The following AGAP1 variants were observed in gnomAD, a reference collection of about 807,000 sequenced individuals.
The protein encoded by AGAP1 is arf-GAP with GTPase, ANK repeat and PH domain-containing protein 1.
A neutral mutation model predicts 105.3 loss-of-function variants in AGAP1; 29 were observed. The observed-to-expected ratio is 0.28, with a 90% CI of 0.21 to 0.38. The LOEUF (loss-of-function observed/expected upper bound fraction) is 0.38, where lower values mean the gene tolerates loss of function less well. Ranked by LOEUF, AGAP1 falls within the 10% of genes least tolerant of loss-of-function variation. The pLI, the probability that AGAP1 is intolerant of heterozygous loss-of-function variation, is 1.00. For synonymous variants in AGAP1, 509 were observed against 485.9 expected, an observed-to-expected ratio of 1.05 and a Z score of -0.63; for missense variants, 998 against 1,165.1, an observed-to-expected ratio of 0.86 and a Z score of 2.09.
chr2:236,094,448 A>T (rs1455821581), intron 16 of AGAP1, among the ~76,000 whole-genome samples: 1 of 150,674 alleles, frequency 6.6e-6, no homozygotes, highest in Non-Finnish European at 1.5e-5. Context: ...ACCTCCCGGG[A>T]TCAAGCGATC....
rs73996698 is a variant in AGAP1 at position 235,994,024 on chromosome 2, G to T, written c.1645+25401G>T. On this transcript the variant is annotated intron_variant, in intron 13 of 17. Coordinates refer to ENST00000304032, the MANE Select transcript of AGAP1 (RefSeq NM_001037131.3). This position sits in a 1 kb window ranked among gnomAD's most constrained non-coding sequence, Gnocchi z 4.4. ...GAAAGTTACGATGACCCATAAGCCT[G>T]CTCCACAGGATGGCTGTAGCACAGA... 0.013 allele frequency among the ~76,000 whole-genome samples: 2,052 copies of T among 152,148 alleles called. 48 individuals carry two copies. Among genetic ancestry groups the T allele is most frequent in the African/African-American group, 0.047 (1,953 of 41,496 alleles).
intron 1 of AGAP1, among the ~76,000 whole-genome samples, chr2:235,570,586 C>T (rs1476915072): frequency 2.6e-5 from 4 of 152,178 alleles, no homozygotes; most frequent in African/African-American, 9.7e-5. Context: ...TCGAGCATTC[C>T]TTTGATCACT....
intron 11 of AGAP1, among the ~76,000 whole-genome samples, chr2:235,924,062 C>G (rs576907825): frequency 1.4e-4 from 22 of 152,250 alleles, no homozygotes; most frequent in African/African-American, 5.3e-4. Context: ...CTGTCCCAGA[C>G]AGCAAACAGA....
In AGAP1 at chr2:236,095,256, G is replaced by A. The variant is rs1222467389; in HGVS notation, c.2115-24936G>A. 6.6e-6 allele frequency among the ~76,000 whole-genome samples: 1 copy of A among 151,978 alleles called. No homozygotes were observed. ...TACAAAAAAGTTAAAAATTAGCCAG[G>A]CGTGGTTGCATGCACCTGTGGTCCC... On this transcript the variant is annotated intron_variant, in intron 16 of 17. Coordinates refer to ENST00000304032, the MANE Select transcript of AGAP1 (RefSeq NM_001037131.3). The surrounding 1 kb of genome is among the most constrained non-coding windows in gnomAD (Gnocchi z 4.1).
intron 1 of AGAP1, among the ~76,000 whole-genome samples, chr2:235,638,195 G>A (rs1025973031): frequency 1.3e-5 from 2 of 152,218 alleles, no homozygotes; most frequent in Admixed American, 6.5e-5. Context: ...TCACACAGCA[G>A]AGCTGCGTGG....
intron 1 of AGAP1, among the ~76,000 whole-genome samples, chr2:235,498,960 T>C (rs1941442725): frequency 6.6e-6 from 1 of 152,196 alleles, no homozygotes; most frequent in Non-Finnish European, 1.5e-5. Context: ...CCTGGGAAGA[T>C]GGGTCAGGGT....
chr2:235,537,251 C>T (rs879322993), intron 1 of AGAP1, among the ~76,000 whole-genome samples: 8 of 152,178 alleles, frequency 5.3e-5, no homozygotes, highest in Admixed American at 5.2e-4. Context: ...TGCAGGGGCA[C>T]CTCGGGAGCC....
intron 1 of AGAP1, among the ~76,000 whole-genome samples, chr2:235,607,272 C>T (rs944920848): frequency 3.3e-5 from 5 of 152,164 alleles, no homozygotes; most frequent in South Asian, 2.1e-4. Context: ...TGTTGAAGCC[C>T]GATGCATGAT....
chr2:236,127,261 C>G lies in AGAP1; in HGVS notation c.*3139C>G, dbSNP rs563531085. On this transcript the variant is annotated 3_prime_UTR_variant, in exon 18 of 18. Coordinates refer to ENST00000304032, the MANE Select transcript of AGAP1 (RefSeq NM_001037131.3). This position sits in a 1 kb window ranked among gnomAD's most constrained non-coding sequence, Gnocchi z 6.6. ...TTCTGACCTCAGGTGCTGGGACGGG[C>G]AGATGGTTTCCCCCGCCCAGCACCC... is the stretch of plus-strand genomic sequence containing the variant. 6.6e-6 allele frequency: 1 copy of G among 152,256 alleles called. No individual in the cohort carries two copies. Among genetic ancestry groups the G allele is most frequent in the South Asian group, 2.1e-4 (1 of 4,818 alleles). 9.4% of individuals were successfully genotyped at this position (152,256 alleles called of 1,614,324 possible).
intron 1 of AGAP1, among the ~76,000 whole-genome samples, chr2:235,672,526 T>C (rs533063515): frequency 3.9e-5 from 6 of 152,370 alleles, no homozygotes; most frequent in African/African-American, 1.4e-4. Context: ...CATCCCTTCA[T>C]GTATTCTCTT....
At position 236,012,903 on chromosome 2, in the gene AGAP1, T is replaced by C. The variant is rs2056565864; in HGVS notation, c.1646-23658T>C. Among the ~76,000 whole-genome samples, 1 of 152,118 alleles carries C rather than the reference T, an allele frequency of 6.6e-6. No homozygotes were observed. Among genetic ancestry groups the C allele is most frequent in the Non-Finnish European group, 1.5e-5 (1 of 68,020 alleles). On this transcript the variant is annotated intron_variant, in intron 13 of 17. Transcript: ENST00000304032. This position sits in a 1 kb window ranked among gnomAD's most constrained non-coding sequence, Gnocchi z 4.9. ...CTGGGATTATAGGCGTGCCCCACCATGCACAGCTAATTTTTGTATTTTTAG... is the reference window on the plus strand; with the variant it reads ...CTGGGATTATAGGCGTGCCCCACCACGCACAGCTAATTTTTGTATTTTTAG...
chr2:236,108,454 TC>T (rs1297418970), intron 16 of AGAP1, among the ~76,000 whole-genome samples: 3 of 152,088 alleles, frequency 2.0e-5, no homozygotes, highest in Non-Finnish European at 4.4e-5. Flanking sequence ...CTGAGGGTGT[TC>T]CTCCACGCCA....
rs1015248483 is a variant in AGAP1 at position 235,555,369 on chromosome 2, A to G, written c.163+60520A>G. ...AAAGCCTGGCCACTTGCACAGGAAG[A>G]TGCTCATAGATGGCTGGTTCCTGCC... On this transcript the variant is annotated intron_variant, in intron 1 of 17. Coordinates refer to ENST00000304032, the MANE Select transcript of AGAP1 (RefSeq NM_001037131.3). The surrounding 1 kb of genome is among the most constrained non-coding windows in gnomAD (Gnocchi z 5.1). Among the ~76,000 whole-genome samples the G allele has an allele frequency of 2.0e-5, 3 of 152,194 alleles. No individual in the cohort carries two copies. The highest frequency in any genetic ancestry group is 4.4e-5 in the Non-Finnish European group (3 of 68,042).
intron 12 of AGAP1, among the ~76,000 whole-genome samples, chr2:235,939,946 A>G (rs2053183866): frequency 6.6e-6 from 1 of 151,924 alleles, no homozygotes; most frequent in Admixed American, 6.5e-5. Context: ...TCACATCCCC[A>G]GCCATGACTC....
At chr2:235,779,809 A>G (rs935320921) in intron 6 of AGAP1, among the ~76,000 whole-genome samples, 8 of 152,354 alleles carry the variant, frequency 5.3e-5, no homozygotes, top group Admixed American at 4.6e-4. Context: ...GGAAACTGGA[A>G]GCTCATGGCT....
In AGAP1 at chr2:235,691,457, G is replaced by T. The variant is rs575115404; in HGVS notation, c.164-17722G>T. On this transcript the variant is annotated intron_variant, in intron 1 of 17. Transcript: ENST00000304032. This position sits in a 1 kb window ranked among gnomAD's most constrained non-coding sequence, Gnocchi z 4.4. Reference sequence around the variant, plus strand: ...ACATCTTTAAAATCCGCTGAAGACTGTAAAGATACTCATTTGAGATGTGCC... The same window carrying T: ...ACATCTTTAAAATCCGCTGAAGACTTTAAAGATACTCATTTGAGATGTGCC... 6.6e-6 allele frequency among the ~76,000 whole-genome samples: 1 copy of T among 152,358 alleles called. No homozygotes were observed. Among genetic ancestry groups the T allele is most frequent in the African/African-American group, 2.4e-5 (1 of 41,586 alleles).
rs547580118 is a variant in AGAP1 at position 235,885,681 on chromosome 2, G to A, written c.1155+2232G>A. Among the ~76,000 whole-genome samples the A allele has an allele frequency of 3.5e-4, 54 of 152,286 alleles. 1 individual carries two copies. In the South Asian group the frequency reaches 0.011, roughly 30 times the overall value. ...ACATGGGAACCTTGATGCTGAGTTC[G>A]CTTGCTGGCGTCTTGAGTTGCCCTT... On this transcript the variant is annotated intron_variant, in intron 10 of 17. Transcript: ENST00000304032.
In AGAP1 at chr2:235,535,981, G is replaced by T. The variant is rs564068772; in HGVS notation, c.163+41132G>T. On this transcript the variant is annotated intron_variant, in intron 1 of 17. Transcript: ENST00000304032. The surrounding 1 kb of genome is among the most constrained non-coding windows in gnomAD (Gnocchi z 5.1). ...TCTGCTTCCTGCTCTCCCAGAGCCG[G>T]CCTCACCTTCGAGACTCATGCTACT... 6.6e-6 allele frequency among the ~76,000 whole-genome samples: 1 copy of T among 151,938 alleles called. No individual in the cohort carries two copies. The highest frequency in any genetic ancestry group is 6.6e-5 in the Admixed American group (1 of 15,240).
intron 1 of AGAP1, among the ~76,000 whole-genome samples, chr2:235,640,852 G>C (rs1370422181): frequency 1.3e-5 from 2 of 152,154 alleles, no homozygotes; most frequent in East Asian, 3.9e-4. Flanking sequence ...AAATTTGGTG[G>C]ATTGGAAAAG....
Sources: allele counts gnomAD v4.1 joint callset (sites outside exome capture counted in the v4.1 genomes callset), GRCh38; gene constraint gnomAD v4.1.1; non-coding constraint Gnocchi (gnomAD v3.1); transcripts MANE v1.5; gene names NCBI Gene and HGNC (gene_info 2026-07-23, HGNC 2026-07-21).